SYN2: variants seen among roughly 807,000 people sequenced by gnomAD.
The protein encoded by SYN2 is synapsin-2.
In SYN2, 19 loss-of-function variants were observed where a neutral mutation model predicts 50.9. That is an observed-to-expected ratio of 0.37 (90% confidence interval 0.26 to 0.55). The LOEUF is 0.55. Ranked by LOEUF, SYN2 falls within the 20% of genes least tolerant of loss-of-function variation. The probability of loss-of-function intolerance (pLI) is 0.81; values close to 1 mark genes in which losing one functional copy is unlikely to be tolerated. For missense variants in SYN2, 587 were observed against 576.4 expected (o/e 1.02, Z -0.19); for synonymous variants, 255 against 224.9 (o/e 1.13, Z -1.20).
At chr3:12,186,371 G>T (rs1698341936) in intron 11 of SYN2, among the ~76,000 whole-genome samples, 1 of 152,194 alleles carries the variant, frequency 6.6e-6, no homozygotes, top group Non-Finnish European at 1.5e-5. Context: ...CTTAATGCCT[G>T]TCAACTCCCA....
At chr3:12,084,691 T>A (rs938027619) in intron 1 of SYN2, among the ~76,000 whole-genome samples, 15 of 152,212 alleles carry the variant, frequency 9.9e-5, no homozygotes, top group African/African-American at 3.1e-4. Flanking sequence ...TGAAATATTA[T>A]ATAGCTGCAA....
chr3:12,018,566 T>G (rs1694068135), intron 1 of SYN2, among the ~76,000 whole-genome samples: 1 of 152,200 alleles, frequency 6.6e-6, no homozygotes, highest in Non-Finnish European at 1.5e-5. Flanking sequence ...TGGTGCTAGC[T>G]TGGAATTCTC....
intron 1 of SYN2, among the ~76,000 whole-genome samples, chr3:12,007,483 C>T (rs1693823683): frequency 6.6e-6 from 1 of 152,108 alleles, no homozygotes; most frequent in African/African-American, 2.4e-5. Context: ...CTTGCCGTGA[C>T]AAGCGCAGTG....
chr3:12,088,470 G>A (rs1695758231), intron 1 of SYN2, among the ~76,000 whole-genome samples: 1 of 152,140 alleles, frequency 6.6e-6, no homozygotes, highest in South Asian at 2.1e-4. Context: ...AATTAGTATA[G>A]CCATTTTGGA....
chr3:12,051,444 A>G (rs1694863624), intron 1 of SYN2, among the ~76,000 whole-genome samples: 1 of 119,774 alleles, frequency 8.3e-6, no homozygotes, highest in African/African-American at 3.0e-5. Flanking sequence ...CTCCAGAGCT[A>G]CTGCTGGTCT....
chr3:12,050,711 C>CTTTTTTTTTTTTTTTTTTTTTT lies in SYN2; in HGVS notation c.377+45797_377+45818dup, dbSNP rs57099569. On this transcript the variant is annotated intron_variant, in intron 1 of 12. Transcript: ENST00000621198. ...AATAATCTCATCTTTCTTCTCTTCTCTTTTTTTTTTTTTTTTTTTTTTTTT... is the reference window on the plus strand; with the variant it reads ...AATAATCTCATCTTTCTTCTCTTCTCTTTTTTTTTTTTTTTTTTTTTTTTTTTTTTTTTTTTTTTTTTTTTTT... Among the ~76,000 whole-genome samples, 8 of 50,576 alleles carry CTTTTTTTTTTTTTTTTTTTTTT rather than the reference C, an allele frequency of 1.6e-4. 4 individuals carry two copies. Among genetic ancestry groups the CTTTTTTTTTTTTTTTTTTTTTT allele is most frequent in the Non-Finnish European group, 2.8e-4 (6 of 21,570 alleles). 33.2% of individuals were successfully genotyped at this position (50,576 alleles called of 152,430 possible). A position where few individuals can be genotyped will look rare whatever the true frequency, so the allele number is the denominator to read the frequency against.
rs148699109 is a variant in SYN2, at chr3:12,158,778, C to T, written c.775-2768C>T. ...ATGCCTCACCCAGCCCCGGGGGCCG[C>T]AGCAACGCCAGCAGCCGCAGCAACA... is the stretch of plus-strand genomic sequence containing the variant. On this transcript the variant is annotated intron_variant, in intron 5 of 12. Coordinates refer to ENST00000621198, the MANE Select transcript of SYN2 (RefSeq NM_133625.6). 3.6e-4 allele frequency: 574 copies of T among 1,603,986 alleles called. 3 individuals carry two copies. The African/African-American group carries it at 6.9e-3, about 19-fold the overall frequency.
chr3:12,028,772 A>G (rs7374884), intron 1 of SYN2, among the ~76,000 whole-genome samples: 129,098 of 145,216 alleles, frequency 0.89, 58,481 homozygotes, highest in East Asian at 1. Context: ...GATTCTGGAT[A>G]TTAGCCCTTT....
At chr3:12,005,648 G>C (rs1337240461) in intron 1 of SYN2, among the ~76,000 whole-genome samples, 1 of 150,660 alleles carries the variant, frequency 6.6e-6, no homozygotes, top group Non-Finnish European at 1.5e-5. Context: ...GGAAGTGAAT[G>C]GTAGCTTTTT....
intron 1 of SYN2, among the ~76,000 whole-genome samples, chr3:12,103,919 A>G (rs1419689914): frequency 6.6e-6 from 1 of 152,200 alleles, no homozygotes; most frequent in African/African-American, 2.4e-5. Context: ...GTTAAAAGAG[A>G]TTGTCAAATG....
chr3:12,157,507 A>G, intron 5 of SYN2: 3 of 1,611,148 alleles, frequency 1.9e-6, no homozygotes, highest in Non-Finnish European at 2.5e-6. Context: ...AAAAGAGGGA[A>G]CCTTCAGCAG....
chr3:12,016,872 G>C (rs1356342335), intron 1 of SYN2, among the ~76,000 whole-genome samples: 1 of 151,962 alleles, frequency 6.6e-6, no homozygotes, highest in East Asian at 1.9e-4. Flanking sequence ...ACAAAATTAT[G>C]GATATAGGCT....
Position 12,151,222 on chromosome 3 carries a change from G to A in SYN2, c.685-15G>A, listed in dbSNP as rs774732778. ...TTATCTAAGATAAGCTGTAACATTTGCTTTTCTTTTGCAGTTTGCCCAGCT... is the reference window on the plus strand; with the variant it reads ...TTATCTAAGATAAGCTGTAACATTTACTTTTCTTTTGCAGTTTGCCCAGCT... On this transcript the variant is annotated splice_polypyrimidine_tract_variant and intron_variant, in intron 4 of 12. Transcript: ENST00000621198. The A allele has an allele frequency of 1.9e-6, 3 of 1,592,024 alleles. No homozygotes were observed. Among genetic ancestry groups the A allele is most frequent in the East Asian group, 2.2e-5 (1 of 44,724 alleles).
intron 1 of SYN2, among the ~76,000 whole-genome samples, chr3:12,075,078 T>A (rs968575337): frequency 6.6e-6 from 1 of 152,116 alleles, no homozygotes; most frequent in Admixed American, 6.6e-5. Flanking sequence ...ACTAAATATG[T>A]ACTGTCATTA....
intron 4 of SYN2, among the ~76,000 whole-genome samples, chr3:12,147,345 A>G (rs1697175263): frequency 6.6e-6 from 1 of 152,084 alleles, no homozygotes; most frequent in Non-Finnish European, 1.5e-5. Context: ...AGATCAATGG[A>G]CAAGTAGTCA....
chr3:12,117,106 AGT>A (rs1203957887), intron 1 of SYN2, among the ~76,000 whole-genome samples: 2 of 152,178 alleles, frequency 1.3e-5, no homozygotes, highest in Non-Finnish European at 1.5e-5. Context: ...ACGTCATTGT[AGT>A]GTCAATATTA....
intron 1 of SYN2, among the ~76,000 whole-genome samples, chr3:12,043,629 T>G (rs1694668261): frequency 6.6e-6 from 1 of 152,196 alleles, no homozygotes; most frequent in Non-Finnish European, 1.5e-5. Context: ...TTCTGTTGAT[T>G]GCCTGAGGAA....
intron 5 of SYN2, chr3:12,156,897 T>C (rs769898540): frequency 4.3e-6 from 7 of 1,614,092 alleles, no homozygotes; most frequent in Non-Finnish European, 5.9e-6. Flanking sequence ...CGTATAGATA[T>C]ACTGAACATC....
intron 5 of SYN2, chr3:12,153,783 C>T: frequency 6.5e-7 from 1 of 1,531,698 alleles, no homozygotes; most frequent in Non-Finnish European, 9.0e-7. Context: ...CTTTCAGATT[C>T]CTACGTACCT....
Sources: gnomAD v4.1 joint callset for allele counts (sites outside exome capture counted in the v4.1 genomes callset) on GRCh38, gnomAD v4.1.1 for gene constraint, MANE v1.5 for transcripts, NCBI Gene and HGNC (gene_info 2026-07-23, HGNC 2026-07-21) for gene names.